The following EFCAB6 variants were observed in gnomAD, a reference collection of about 807,000 sequenced individuals.
EFCAB6 encodes EF-hand calcium binding domain 6, also known as EF-hand calcium-binding domain-containing protein 6.
In EFCAB6, 156 loss-of-function variants were observed where a neutral mutation model predicts 169.8. The ratio of observed to expected loss-of-function variants is 0.92; its 90% CI spans 0.81 to 1.05. The LOEUF (loss-of-function observed/expected upper bound fraction) is 1.05, where lower values mean the gene tolerates loss of function less well. Ranked by LOEUF, EFCAB6 falls within the 50% of genes least tolerant of loss-of-function variation. EFCAB6 has a pLI of 0.00. For missense variants in EFCAB6, 1,800 were observed against 1,829.1 expected (o/e 0.98, Z 0.29); for synonymous variants, 698 against 676.4 (o/e 1.03, Z -0.50).
At chr22:43,570,508 A>G (rs2049785227) in intron 26 of EFCAB6, among the ~76,000 whole-genome samples, 1 of 152,300 alleles carries the variant, frequency 6.6e-6, no homozygotes, top group Non-Finnish European at 1.5e-5. Context: ...ATGTTTTTCT[A>G]GAAGTGAAGA....
intron 3 of EFCAB6, among the ~76,000 whole-genome samples, chr22:43,779,274 T>A (rs918374967): frequency 3.9e-5 from 6 of 152,154 alleles, no homozygotes; most frequent in African/African-American, 1.4e-4. Flanking sequence ...AAGAACACTT[T>A]AAAAGGAAAC....
At chr22:43,623,700 C>G (rs2054270055) in intron 20 of EFCAB6, among the ~76,000 whole-genome samples, 1 of 148,268 alleles carries the variant, frequency 6.7e-6, no homozygotes, top group South Asian at 2.2e-4. Flanking sequence ...TCGAGACCAT[C>G]CTGGCTAACA....
intron 30 of EFCAB6, among the ~76,000 whole-genome samples, chr22:43,534,115 T>C (rs2047245044): frequency 6.6e-6 from 1 of 152,128 alleles, no homozygotes; most frequent in Non-Finnish European, 1.5e-5. Context: ...TCCACCCAAA[T>C]CTCTTCTCAA....
chr22:43,750,098 ATTAAT>A (rs1473851171), intron 6 of EFCAB6, among the ~76,000 whole-genome samples: 1 of 152,114 alleles, frequency 6.6e-6, no homozygotes, highest in Non-Finnish European at 1.5e-5. Context: ...CGTTTGCACT[ATTAAT>A]TTGTCACACA....
At position 43,737,842 on chromosome 22, in the gene EFCAB6, T is replaced by A. The variant is rs560827607; in HGVS notation, c.508-1849A>T. On this transcript the variant is annotated intron_variant, in intron 6 of 31. Coordinates refer to ENST00000262726, the MANE Select transcript of EFCAB6 (RefSeq NM_022785.4). ...ACACTCACACCATTACTCACACACA[T>A]ATATTCTCACACATACATACATGCA... is the stretch of plus-strand genomic sequence containing the variant. Among the ~76,000 whole-genome samples the A allele has an allele frequency of 1.1e-4, 17 of 147,894 alleles. No individual in the cohort carries two copies. The South Asian group carries it at 3.3e-3, about 29-fold the overall frequency.
rs79044714 is a variant in EFCAB6, at chr22:43,690,752, G to C, written c.1032-3171C>G. Among the ~76,000 whole-genome samples, 1,027 of 151,320 alleles carry C rather than the reference G, an allele frequency of 6.8e-3. 16 individuals are homozygous for C. The highest frequency in any genetic ancestry group is 0.024 in the African/African-American group (980 of 41,180). On this transcript the variant is annotated intron_variant, in intron 10 of 31. Transcript: ENST00000262726. ...AAGAGCTGTACTCTTCCCTGCCCTC[G>C]GTCCCTTCTGCTTGTTGCTTCCTTT...
At position 43,580,480 on chromosome 22, in the gene EFCAB6, T is replaced by A. The variant is rs1194264236; in HGVS notation, c.3212A>T (p.Gln1071Leu). ...RKIQEVVESS[Q>L]LALSTAFSAL... The stretch of plus-strand genomic sequence containing the variant: ...CTGTCATACCGTGGACAAAGCCAGC[T>A]GGGAGGACTCAACTACTTCCTGGAT... Residue 1071 changes from glutamine (Q) to leucine (L), a missense_variant, in exon 25 of 32, where the codon CAG (glutamine) becomes CTG (leucine). Transcript: ENST00000262726. The A allele has an allele frequency of 2.2e-5, 35 of 1,613,992 alleles. No individual in the cohort carries two copies. The highest frequency in any genetic ancestry group is 2.9e-5 in the Non-Finnish European group (34 of 1,180,016).
rs1465181418 is a variant in EFCAB6, at chr22:43,795,814, C to G, written c.-8+13181G>C. On this transcript the variant is annotated intron_variant, in intron 2 of 31. Transcript: ENST00000262726. This position sits in a 1 kb window ranked among gnomAD's most constrained non-coding sequence, Gnocchi z 4.2. ...GCCCTGCCATTCAGACAGCACTCGCCTCCCAACACACACACACACACACAC... is the reference window on the plus strand; with the variant it reads ...GCCCTGCCATTCAGACAGCACTCGCGTCCCAACACACACACACACACACAC... Among the ~76,000 whole-genome samples, 1 of 118,036 alleles carries G rather than the reference C, an allele frequency of 8.5e-6. No individual in the cohort carries two copies. Among genetic ancestry groups the G allele is most frequent in the Non-Finnish European group, 1.9e-5 (1 of 51,812 alleles). The allele number at this position is 118,036 out of a possible 152,430, so 77.4% of individuals were successfully genotyped here.
At chr22:43,562,488 A>G (rs976493733) in intron 26 of EFCAB6, among the ~76,000 whole-genome samples, 1 of 140,974 alleles carries the variant, frequency 7.1e-6, no homozygotes, top group East Asian at 2.5e-4. Flanking sequence ...GGCTGCCCCA[A>G]CGCCACAAGT....
intron 28 of EFCAB6, among the ~76,000 whole-genome samples, chr22:43,538,749 G>A (rs1158642263): frequency 6.6e-6 from 1 of 152,100 alleles, no homozygotes; most frequent in Non-Finnish European, 1.5e-5. Flanking sequence ...ATAAGCAAAG[G>A]CTCCATACCC....
At chr22:43,622,561 C>T (rs1443797307) in intron 20 of EFCAB6, among the ~76,000 whole-genome samples, 1 of 152,108 alleles carries the variant, frequency 6.6e-6, no homozygotes, top group East Asian at 1.9e-4. Flanking sequence ...AGCGAAACTC[C>T]ATCTCAAAAC....
At chr22:43,623,612 C>A (rs569012315) in intron 20 of EFCAB6, among the ~76,000 whole-genome samples, 1 of 151,874 alleles carries the variant, frequency 6.6e-6, no homozygotes, top group African/African-American at 2.4e-5. Flanking sequence ...GGGGTGGTAT[C>A]CGGCCAGGCG....
intron 4 of EFCAB6, among the ~76,000 whole-genome samples, chr22:43,765,724 T>C (rs2061307855): frequency 6.6e-6 from 1 of 152,132 alleles, no homozygotes; most frequent in Admixed American, 6.5e-5. Context: ...ATATAATACA[T>C]ATTAGAAGCT....
chr22:43,655,648 T>C (rs562760869), intron 17 of EFCAB6, among the ~76,000 whole-genome samples: 19 of 151,774 alleles, frequency 1.3e-4, no homozygotes, highest in African/African-American at 4.6e-4. Context: ...GCCAACTATA[T>C]AGATAATTAA....
intron 8 of EFCAB6, among the ~76,000 whole-genome samples, chr22:43,718,561 T>A (rs551864836): frequency 9.2e-5 from 14 of 152,302 alleles, no homozygotes; most frequent in African/African-American, 3.4e-4. Flanking sequence ...GACGGGCAGA[T>A]CACCTGAGGT....
chr22:43,634,527 T>C (rs2055232238), intron 18 of EFCAB6, among the ~76,000 whole-genome samples: 1 of 151,962 alleles, frequency 6.6e-6, no homozygotes, highest in South Asian at 2.1e-4. Flanking sequence ...AGTATTCCAT[T>C]GAGATATCTG....
Position 43,626,640 on chromosome 22 carries a change from C to T in EFCAB6, c.2272G>A (p.Asp758Asn), listed in dbSNP as rs149975790. ...AGGTCATGCATGTTGATTATGCCAT[C>T]CCTGTCAGCATCTGTTTTAAAGAAG... ...SAFFKTDADR[D>N]GIINMHDLHR... Residue 758 changes from aspartate to asparagine, a missense_variant, in exon 20 of 32, where the codon GAT (aspartate) becomes AAT (asparagine). Coordinates refer to ENST00000262726, the MANE Select transcript of EFCAB6 (RefSeq NM_022785.4). 35 of 1,614,074 alleles carry T rather than the reference C, an allele frequency of 2.2e-5. No homozygotes were observed. In the African/African-American group the frequency reaches 4.7e-4, roughly 22 times the overall value.
chr22:43,537,171 C>A lies in EFCAB6; in HGVS notation c.4048+206G>T, dbSNP rs911307283. 1 of 548,926 alleles carries A rather than the reference C, an allele frequency of 1.8e-6. No individual in the cohort carries two copies. The highest frequency in any genetic ancestry group is 3.1e-6 in the Non-Finnish European group (1 of 318,582). 34.0% of individuals were successfully genotyped at this position (548,926 alleles called of 1,614,324 possible). ...GCTGACTTTACCATGCAGATGGGCC[C>A]CCTGCTGGGAGGGCCGGGTAGTCGG... On this transcript the variant is annotated intron_variant, in intron 29 of 31. Coordinates refer to ENST00000262726, the MANE Select transcript of EFCAB6 (RefSeq NM_022785.4). This position sits in a 1 kb window ranked among gnomAD's most constrained non-coding sequence, Gnocchi z 4.3.
intron 18 of EFCAB6, among the ~76,000 whole-genome samples, chr22:43,634,199 C>A (rs1311069236): frequency 6.6e-6 from 1 of 152,214 alleles, no homozygotes; most frequent in Non-Finnish European, 1.5e-5. Context: ...GACACACTCA[C>A]TAAAATGCAG....
Sources: gnomAD v4.1 joint callset for allele counts (sites outside exome capture counted in the v4.1 genomes callset) on GRCh38, gnomAD v4.1.1 for gene constraint, Gnocchi (gnomAD v3.1) non-coding constraint, MANE v1.5 for transcripts, NCBI Gene and HGNC (gene_info 2026-07-23, HGNC 2026-07-21) for gene names.